SAMD5: variants seen among roughly 807,000 people sequenced by gnomAD.
SAMD5 encodes the protein sterile alpha motif domain-containing protein 5.
Under a neutral mutation model 11.3 loss-of-function variants are expected in SAMD5, and 13 were observed. The observed-to-expected ratio is 1.15, with a 90% CI of 0.75 to 1.83. The LOEUF is 1.83. Ranked by LOEUF, SAMD5 falls within the 40% of genes most tolerant of loss-of-function variation. The pLI is 0.00. For missense variants in SAMD5, 255 were observed against 239.1 expected, an observed-to-expected ratio of 1.07 and a Z score of -0.44; for synonymous variants, 129 against 111.3, an observed-to-expected ratio of 1.16 and a Z score of -1.00.
chr6:147,553,537 C>T (rs548037434), intron 1 of SAMD5, among the ~76,000 whole-genome samples: 36 of 152,322 alleles, frequency 2.4e-4, no homozygotes, highest in African/African-American at 7.7e-4. Context: ...ACGCTGGACA[C>T]GATGCCATAA....
intron 1 of SAMD5, among the ~76,000 whole-genome samples, chr6:147,670,688 T>C (rs1790782930): frequency 6.6e-6 from 1 of 152,250 alleles, no homozygotes; most frequent in Non-Finnish European, 1.5e-5. Context: ...TCCTTACCTC[T>C]GTCAGCCTTC....
At chr6:147,613,758 G>A (rs572920157) in intron 1 of SAMD5, among the ~76,000 whole-genome samples, 1 of 152,048 alleles carries the variant, frequency 6.6e-6, no homozygotes, top group East Asian at 1.9e-4. Context: ...GGGAAGGATG[G>A]AGAAAGAAGA....
At chr6:147,697,296 A>G (rs1348059314) in intron 1 of SAMD5, among the ~76,000 whole-genome samples, 1 of 152,208 alleles carries the variant, frequency 6.6e-6, no homozygotes, top group African/African-American at 2.4e-5. Flanking sequence ...GAACCTAAAT[A>G]CATGGAGAAT....
the SAMD5 span, among the ~76,000 whole-genome samples, chr6:147,754,193 C>A: frequency 6.6e-6 from 1 of 152,086 alleles, no homozygotes; most frequent in Non-Finnish European, 1.5e-5. Flanking sequence ...CCCTTTCCTC[C>A]ACATCCTCAC....
chr6:147,837,411 C>A, the SAMD5 span, among the ~76,000 whole-genome samples: 1 of 152,200 alleles, frequency 6.6e-6, no homozygotes, highest in Non-Finnish European at 1.5e-5. Flanking sequence ...ACTCCTCTGG[C>A]CAAGCTGGAC....
chr6:147,819,950 G>A, the SAMD5 span, among the ~76,000 whole-genome samples: 14 of 152,312 alleles, frequency 9.2e-5, no homozygotes, highest in East Asian at 1.5e-3. Flanking sequence ...AGGAGAGAAA[G>A]GGGAACCAGG....
the SAMD5 span, among the ~76,000 whole-genome samples, chr6:147,915,153 A>T: frequency 6.6e-6 from 1 of 152,208 alleles, no homozygotes; most frequent in African/African-American, 2.4e-5. Flanking sequence ...GTCAATGTTA[A>T]ATACACAGAA....
At chr6:147,663,509 T>C (rs1790674009) in intron 1 of SAMD5, among the ~76,000 whole-genome samples, 1 of 152,026 alleles carries the variant, frequency 6.6e-6, no homozygotes, top group Non-Finnish European at 1.5e-5. Flanking sequence ...GGGCCAGGTG[T>C]GGTGGCTCAA....
chr6:147,747,047 C>T, the SAMD5 span, among the ~76,000 whole-genome samples: 1 of 152,154 alleles, frequency 6.6e-6, no homozygotes, highest in Non-Finnish European at 1.5e-5. Context: ...CTGCTCTTCT[C>T]CTCTGGGTAC....
At chr6:147,589,400 A>G (rs916574512) in intron 1 of SAMD5, among the ~76,000 whole-genome samples, 2 of 152,172 alleles carry the variant, frequency 1.3e-5, no homozygotes, top group African/African-American at 4.8e-5. Flanking sequence ...TCACAGACCA[A>G]TCCTGTCTTT....
intron 1 of SAMD5, among the ~76,000 whole-genome samples, chr6:147,661,958 C>T (rs1213753115): frequency 6.6e-6 from 1 of 152,214 alleles, no homozygotes; most frequent in Non-Finnish European, 1.5e-5. Context: ...AAATAAGATG[C>T]TTGCCACTTA....
the SAMD5 span, among the ~76,000 whole-genome samples, chr6:147,785,527 A>G: frequency 1.3e-5 from 2 of 152,188 alleles, no homozygotes; most frequent in Non-Finnish European, 2.9e-5. Flanking sequence ...CCTGGTTCTG[A>G]CATTCTCCAG....
chr6:147,741,683 A>G (rs1791881449), downstream of SAMD5: 1 of 152,200 alleles, frequency 6.6e-6, no homozygotes, highest in Non-Finnish European at 1.5e-5. Context: ...TCACAACCCC[A>G]CAGAAGGGAA....
chr6:147,539,032 T>C (rs1239745277), intron 1 of SAMD5, among the ~76,000 whole-genome samples: 1 of 152,312 alleles, frequency 6.6e-6, no homozygotes, highest in South Asian at 2.1e-4. Flanking sequence ...ATTGGATTAC[T>C]GGCTTAAGGG....
At chr6:147,573,950 C>G (rs768975169), downstream of SAMD5, among the ~76,000 whole-genome samples, 1 of 151,986 alleles carries the variant, frequency 6.6e-6, no homozygotes, top group Non-Finnish European at 1.5e-5. Flanking sequence ...TGGTGAAACC[C>G]CATCTCTACT....
chr6:147,797,405 C>T, the SAMD5 span, among the ~76,000 whole-genome samples: 1 of 107,936 alleles, frequency 9.3e-6, no homozygotes, highest in African/African-American at 5.5e-5. Flanking sequence ...GCCTTGCATC[C>T]CAGGGATGAA....
the SAMD5 span, among the ~76,000 whole-genome samples, chr6:147,753,042 T>C: frequency 6.6e-6 from 1 of 152,238 alleles, no homozygotes; most frequent in Non-Finnish European, 1.5e-5. Flanking sequence ...AATGTGATGC[T>C]TGTTTCATAT....
intron 1 of SAMD5, among the ~76,000 whole-genome samples, chr6:147,671,214 G>A (rs9386191): frequency 0.077 from 11,709 of 152,126 alleles, 593 homozygotes; most frequent in East Asian, 0.2. Flanking sequence ...AACAACTACA[G>A]GGGTAACATC....
chr6:147,542,295 C>A (rs1788618158), intron 1 of SAMD5, among the ~76,000 whole-genome samples: 2 of 152,180 alleles, frequency 1.3e-5, no homozygotes, highest in Admixed American at 1.3e-4. Context: ...GAACCAGGGG[C>A]AGGTAGCCAC....
Sources: gnomAD v4.1 joint callset for allele counts (sites outside exome capture counted in the v4.1 genomes callset) on GRCh38, gnomAD v4.1.1 for gene constraint, MANE v1.5 for transcripts, NCBI Gene and HGNC (gene_info 2026-07-23, HGNC 2026-07-21) for gene names.